The following SFMBT2 variants were observed in gnomAD, a reference collection of about 807,000 sequenced individuals.
SFMBT2 encodes the protein scm-like with four MBT domains protein 2.
Under a neutral mutation model 110.1 loss-of-function variants are expected in SFMBT2, and 38 were observed. The ratio of observed to expected loss-of-function variants is 0.35; its 90% CI spans 0.27 to 0.45. The LOEUF (loss-of-function observed/expected upper bound fraction) is 0.45. Among genes scored for constraint, SFMBT2 ranks in the 20% least tolerant of loss-of-function variants. The pLI is 1.00. For synonymous variants in SFMBT2, 425 were observed against 425.4 expected (o/e 1.00, Z 0.01); for missense variants, 1,011 against 1,094.9 (o/e 0.92, Z 1.08).
chr10:7,289,402 CTG>C (rs1842197522), intron 4 of SFMBT2, among the ~76,000 whole-genome samples: 1 of 152,224 alleles, frequency 6.6e-6, no homozygotes, highest in African/African-American at 2.4e-5. Context: ...TATGAAGTCA[CTG>C]CACAATGCTG....
At chr10:7,346,305 T>G (rs2131996964) in intron 4 of SFMBT2, among the ~76,000 whole-genome samples, 1 of 152,348 alleles carries the variant, frequency 6.6e-6, no homozygotes, top group East Asian at 1.9e-4. Flanking sequence ...TGTTCTAACA[T>G]TTTATGATGC....
chr10:7,227,402 G>A (rs1397852027), intron 10 of SFMBT2, among the ~76,000 whole-genome samples: 1 of 152,214 alleles, frequency 6.6e-6, no homozygotes, highest in African/African-American at 2.4e-5. Context: ...CCACTTACTG[G>A]CCTCACCTGT....
At chr10:7,368,243 A>T in intron 3 of SFMBT2, 1 of 702,914 alleles carries the variant, frequency 1.4e-6, no homozygotes, top group Non-Finnish European at 1.7e-6. Flanking sequence ...TGTGTATTCT[A>T]CACTCAGAGC....
chr10:7,205,320 G>A (rs1839093214), intron 12 of SFMBT2: 1 of 740,878 alleles, frequency 1.3e-6, no homozygotes, highest in East Asian at 1.3e-4. Flanking sequence ...TCAAAATCCT[G>A]GGCTCAAGCA....
rs922880134 is a variant in SFMBT2 at position 7,367,585 on chromosome 10, C to T, written c.436+64G>A. On this transcript the variant is annotated intron_variant, in intron 4 of 20. Coordinates refer to ENST00000397167, the MANE Select transcript of SFMBT2 (RefSeq NM_001387889.1). This position sits in a 1 kb window ranked among gnomAD's most constrained non-coding sequence, Gnocchi z 6.2. ...TACGCAAGGTTCTCTCTGCTCCTTG[C>T]AAAATTACAGGCGTCATGAAGGATG... 19 of 1,564,336 alleles carry T rather than the reference C, an allele frequency of 1.2e-5. No individual in the cohort carries two copies. The Admixed American group carries it at 1.2e-4, about 10-fold the overall frequency.
rs775314287 is a variant in SFMBT2, at chr10:7,276,992, G to T, written c.773-3C>A. ...GGCCATCTTCAAAGGATAGATTTCT[G>T]TATCAACAGCAAATCACAGAAGAGT... On this transcript the variant is annotated splice_region_variant and splice_polypyrimidine_tract_variant and intron_variant, in intron 6 of 20. Transcript: ENST00000397167. 1 of 869,532 alleles carries T rather than the reference G, an allele frequency of 1.2e-6. No individual in the cohort carries two copies. The highest frequency in any genetic ancestry group is 2.0e-6 in the Non-Finnish European group (1 of 498,794). The allele number at this position is 869,532 out of a possible 1,614,324, so 53.9% of individuals were successfully genotyped here. A position where few individuals can be genotyped will look rare whatever the true frequency, so the allele number is the denominator to read the frequency against.
At chr10:7,296,840 C>T (rs1162063430) in intron 4 of SFMBT2, among the ~76,000 whole-genome samples, 1 of 152,218 alleles carries the variant, frequency 6.6e-6, no homozygotes, top group Admixed American at 6.5e-5. Flanking sequence ...CAGTTGAAGG[C>T]CTGGCTACAA....
chr10:7,197,531 T>C lies in SFMBT2; in HGVS notation c.1698+17A>G, dbSNP rs138474917. 723 of 1,608,790 alleles carry C rather than the reference T, an allele frequency of 4.5e-4. 7 individuals are homozygous for C. The African/African-American group carries it at 8.6e-3, about 19-fold the overall frequency. ...ATCCTGTTAAAATAAGCCAAGGTGA[T>C]TGTGCACGGGCTTTACCTCTTTAAG... is the stretch of plus-strand genomic sequence containing the variant. On this transcript the variant is annotated intron_variant, in intron 15 of 20. Transcript: ENST00000397167.
At chr10:7,346,837 T>C (rs940596469) in intron 4 of SFMBT2, among the ~76,000 whole-genome samples, 2 of 140,256 alleles carry the variant, frequency 1.4e-5, no homozygotes, top group African/African-American at 5.6e-5. Flanking sequence ...AAAAAAAAAA[T>C]TGGCCGGGCA....
chr10:7,248,437 G>T (rs1382321992), intron 8 of SFMBT2, 111 bp downstream of exon 8: 4 of 851,792 alleles, frequency 4.7e-6, no homozygotes, highest in Non-Finnish European at 7.5e-6. Context: ...GCTTCGCCTG[G>T]CATTGCTGAT....
chr10:7,277,088 G>T, intron 6 of SFMBT2, 99 bp from the exon 7 acceptor site: 1 of 734,338 alleles, frequency 1.4e-6, no homozygotes, highest in Non-Finnish European at 2.5e-6. Flanking sequence ...TGATACCTCA[G>T]CACGGTCAGT....
intron 13 of SFMBT2, among the ~76,000 whole-genome samples, chr10:7,201,343 C>G (rs1211569609): frequency 6.6e-6 from 1 of 152,208 alleles, no homozygotes; most frequent in Non-Finnish European, 1.5e-5. Context: ...GCTCCAAGCT[C>G]TCTAAGTGAC....
intron 15 of SFMBT2, among the ~76,000 whole-genome samples, chr10:7,190,505 T>A (rs1045431441): frequency 3.9e-5 from 6 of 152,232 alleles, no homozygotes; most frequent in African/African-American, 9.6e-5. Context: ...GGATATTGAA[T>A]GTTTTTCCCT....
At chr10:7,267,878 C>A (rs1841446677) in intron 7 of SFMBT2, among the ~76,000 whole-genome samples, 2 of 152,162 alleles carry the variant, frequency 1.3e-5, no homozygotes, top group Non-Finnish European at 2.9e-5. Flanking sequence ...TGGTCATGAA[C>A]AAAGTAAGCT....
At chr10:7,303,493 G>C (rs1326214322) in intron 4 of SFMBT2, among the ~76,000 whole-genome samples, 1 of 151,240 alleles carries the variant, frequency 6.6e-6, no homozygotes, top group South Asian at 2.1e-4. Flanking sequence ...AGACTAAAAA[G>C]AGAGAGAGAG....
At chr10:7,410,443 G>A (rs1475142853) in intron 1 of SFMBT2, among the ~76,000 whole-genome samples, 1 of 152,244 alleles carries the variant, frequency 6.6e-6, no homozygotes, top group Non-Finnish European at 1.5e-5. Flanking sequence ...GCTAAAATGA[G>A]TGCAGAAACG....
chr10:7,394,551 T>G (rs980906038), intron 1 of SFMBT2, among the ~76,000 whole-genome samples: 1 of 115,816 alleles, frequency 8.6e-6, no homozygotes, highest in African/African-American at 3.5e-5. Flanking sequence ...CCCTGGCAGC[T>G]CCCACTGCGT....
In SFMBT2 at chr10:7,258,403, T is replaced by G. The variant is rs540264367; in HGVS notation, c.871-9754A>C. Among the ~76,000 whole-genome samples, 6 of 152,324 alleles carry G rather than the reference T, an allele frequency of 3.9e-5. No individual in the cohort carries two copies. In the South Asian group the frequency reaches 1.2e-3, roughly 32 times the overall value. On this transcript the variant is annotated intron_variant, in intron 7 of 20. Coordinates refer to ENST00000397167, the MANE Select transcript of SFMBT2 (RefSeq NM_001387889.1). ...GATATAGGATTCACCCTGCCCAGTT[T>G]TTTTAAGCAACAAAATCTTTTAGTG... is the stretch of plus-strand genomic sequence containing the variant.
chr10:7,164,238 T>A (rs1837633137), intron 20 of SFMBT2: 3 of 693,496 alleles, frequency 4.3e-6, no homozygotes, highest in African/African-American at 3.9e-5. Context: ...AATTTAAAAA[T>A]TAGCTGGGCA....
Sources: gnomAD v4.1 joint callset for allele counts (sites outside exome capture counted in the v4.1 genomes callset) on GRCh38, gnomAD v4.1.1 for gene constraint, Gnocchi (gnomAD v3.1) non-coding constraint, MANE v1.5 for transcripts, NCBI Gene and HGNC (gene_info 2026-07-23, HGNC 2026-07-21) for gene names.